The following NELL1 variants were observed in gnomAD, a reference collection of about 807,000 sequenced individuals.
NELL1 encodes the protein protein kinase C-binding protein NELL1.
In NELL1, 76 loss-of-function variants were observed where a neutral mutation model predicts 107.4. The observed-to-expected ratio is 0.71, with a 90% CI of 0.59 to 0.86. NELL1 has a LOEUF of 0.86. Ranked by LOEUF, NELL1 falls within the 40% of genes least tolerant of loss-of-function variation. NELL1 has a pLI of 0.00. For missense variants in NELL1, 1,024 were observed against 1,005.5 expected (o/e 1.02, Z -0.25); for synonymous variants, 353 against 341.2 (o/e 1.03, Z -0.38).
chr11:21,403,351 T>C (rs1304038777), intron 15 of NELL1, among the ~76,000 whole-genome samples: 1 of 151,740 alleles, frequency 6.6e-6, no homozygotes, highest in East Asian at 1.9e-4. Flanking sequence ...CTGAAGGCTT[T>C]ACAAGTGACA....
intron 15 of NELL1, among the ~76,000 whole-genome samples, chr11:21,446,722 G>C (rs1204839844): frequency 6.6e-6 from 1 of 152,208 alleles, no homozygotes; most frequent in South Asian, 2.1e-4. Flanking sequence ...GGTCATACCT[G>C]AAGCCAGCAC....
At chr11:21,154,112 G>A (rs1055319178) in intron 13 of NELL1, among the ~76,000 whole-genome samples, 3 of 152,280 alleles carry the variant, frequency 2.0e-5, no homozygotes, top group Non-Finnish European at 2.9e-5. Flanking sequence ...GTGGCTCTGT[G>A]GCTTGTGCTG....
rs183344639 is a variant in NELL1, at chr11:21,070,768, T to C, written c.1301-42821T>C. On this transcript the variant is annotated intron_variant, in intron 12 of 19. Transcript: ENST00000357134. ...AGCAACCATGACATTCAAGTTAGCG[T>C]CTCATAAAATCTGAGAATCATTGTC... 1.8e-3 allele frequency among the ~76,000 whole-genome samples: 280 copies of C among 152,278 alleles called. 1 individual carries two copies. Among genetic ancestry groups the C allele is most frequent in the Admixed American group, 3.2e-3 (49 of 15,280 alleles).
At chr11:21,095,323 G>C (rs1590630693) in intron 12 of NELL1, among the ~76,000 whole-genome samples, 1 of 152,158 alleles carries the variant, frequency 6.6e-6, no homozygotes, top group East Asian at 1.9e-4. Flanking sequence ...TCCCTAGGAA[G>C]TTCTGACCTT....
intron 2 of NELL1, among the ~76,000 whole-genome samples, chr11:20,755,558 T>TATTTTTTTTTTTTTATTTA: frequency 6.1e-5 from 1 of 16,456 alleles, no homozygotes; most frequent in East Asian, 2.9e-3. Flanking sequence ...TTGTTTTTGT[T>TATTTTTTTTTTTTTATTTA]TTTGTTTTTT....
At chr11:20,688,901 C>G (rs1432837142) in intron 2 of NELL1, among the ~76,000 whole-genome samples, 1 of 152,098 alleles carries the variant, frequency 6.6e-6, no homozygotes, top group Non-Finnish European at 1.5e-5. Context: ...TCACGAACAT[C>G]TGGTGTATTT....
intron 14 of NELL1, among the ~76,000 whole-genome samples, chr11:21,251,968 T>TTG (rs1858649854): frequency 6.6e-6 from 1 of 152,146 alleles, no homozygotes; most frequent in African/African-American, 2.4e-5. Context: ...AAGAACAGGG[T>TTG]TGTGTTCATT....
intron 14 of NELL1, among the ~76,000 whole-genome samples, chr11:21,287,864 C>T (rs940705507): frequency 3.3e-5 from 5 of 151,870 alleles, no homozygotes; most frequent in East Asian, 3.9e-4. Flanking sequence ...CACCATCCCT[C>T]GTTAACTTTA....
At chr11:21,510,888 A>G (rs55969240) in intron 15 of NELL1, among the ~76,000 whole-genome samples, 23,163 of 152,172 alleles carry the variant, frequency 0.15, 1,845 homozygotes, top group Admixed American at 0.17. Context: ...TTTTATATGT[A>G]TGTTATTTCA....
At chr11:21,427,060 G>A (rs1472172596) in intron 15 of NELL1, among the ~76,000 whole-genome samples, 3 of 152,148 alleles carry the variant, frequency 2.0e-5, no homozygotes, top group African/African-American at 7.2e-5. Flanking sequence ...TGGTGCGTGG[G>A]CCTGGAGATG....
intron 2 of NELL1, among the ~76,000 whole-genome samples, chr11:20,748,911 C>CCCAT (rs71063663): frequency 0.44 from 62,868 of 143,740 alleles, 14,536 homozygotes; most frequent in Middle Eastern, 0.51. Flanking sequence ...CACCCAGCCA[C>CCCAT]CCATCCATCC....
chr11:20,710,989 T>G (rs1257428572), intron 2 of NELL1, among the ~76,000 whole-genome samples: 3 of 152,118 alleles, frequency 2.0e-5, no homozygotes, highest in African/African-American at 7.2e-5. Flanking sequence ...TTTTGTTTTA[T>G]TTATTTTTTT....
At chr11:21,562,127 ATTC>A (rs1856864243) in intron 17 of NELL1, among the ~76,000 whole-genome samples, 1 of 152,028 alleles carries the variant, frequency 6.6e-6, no homozygotes, top group Non-Finnish European at 1.5e-5. Context: ...TGAGAGTAAA[ATTC>A]TTCTTTCAGT....
chr11:21,332,793 A>G (rs939560786), intron 14 of NELL1, among the ~76,000 whole-genome samples: 1 of 151,964 alleles, frequency 6.6e-6, no homozygotes, highest in Non-Finnish European at 1.5e-5. Flanking sequence ...TATAACTGAA[A>G]TTATTTTTTT....
chr11:21,351,184 G>A (rs749599824), intron 14 of NELL1, among the ~76,000 whole-genome samples: 2 of 152,074 alleles, frequency 1.3e-5, no homozygotes, highest in East Asian at 1.9e-4. Flanking sequence ...CAGAAGCTAG[G>A]ACAGAGCACA....
chr11:20,903,739 T>A (rs956194324), intron 5 of NELL1, among the ~76,000 whole-genome samples: 2 of 152,066 alleles, frequency 1.3e-5, no homozygotes, highest in Non-Finnish European at 2.9e-5. Context: ...GTCAACAAAA[T>A]GTTAGAGTAG....
intron 15 of NELL1, among the ~76,000 whole-genome samples, chr11:21,442,105 T>C (rs145569575): frequency 6.6e-6 from 1 of 152,296 alleles, no homozygotes; most frequent in East Asian, 1.9e-4. Flanking sequence ...TAGAGAAATA[T>C]AGTAGACTGA....
chr11:20,699,635 G>A (rs1168262843), intron 2 of NELL1, among the ~76,000 whole-genome samples: 1 of 152,164 alleles, frequency 6.6e-6, no homozygotes, highest in African/African-American at 2.4e-5. Flanking sequence ...TGGGATTACA[G>A]GCGTGAGCCA....
intron 13 of NELL1, among the ~76,000 whole-genome samples, chr11:21,123,710 A>G (rs926208671): frequency 6.6e-6 from 1 of 152,186 alleles, no homozygotes; most frequent in Non-Finnish European, 1.5e-5. Flanking sequence ...TCCTAAGAAA[A>G]CAATCAGTCA....
Sources: allele counts gnomAD v4.1 joint callset (sites outside exome capture counted in the v4.1 genomes callset), GRCh38; gene constraint gnomAD v4.1.1; transcripts MANE v1.5; gene names NCBI Gene and HGNC (gene_info 2026-07-23, HGNC 2026-07-21).